The following ZDHHC20 variants were observed in gnomAD, a reference collection of about 807,000 sequenced individuals.
ZDHHC20 encodes the protein zDHHC palmitoyltransferase 20.
Under a neutral mutation model 57.8 loss-of-function variants are expected in ZDHHC20, and 43 were observed. The observed-to-expected ratio is 0.74, with a 90% CI of 0.58 to 0.96. ZDHHC20 has a LOEUF of 0.96. Ranked by LOEUF, ZDHHC20 falls within the 40% of genes least tolerant of loss-of-function variation. ZDHHC20 has a pLI of 0.00. For missense variants in ZDHHC20, 391 were observed against 441.1 expected, an observed-to-expected ratio of 0.89 and a Z score of 1.02; for synonymous variants, 157 against 153.0, an observed-to-expected ratio of 1.03 and a Z score of -0.19.
chr13:21,444,142 C>T (rs183516208), intron 1 of ZDHHC20, among the ~76,000 whole-genome samples: 61 of 152,224 alleles, frequency 4.0e-4, no homozygotes, highest in African/African-American at 1.3e-3. Flanking sequence ...GGCAACAGAG[C>T]GAGACTCTGT....
intron 1 of ZDHHC20, among the ~76,000 whole-genome samples, chr13:21,436,011 G>A (rs1882505431): frequency 6.6e-6 from 1 of 152,326 alleles, no homozygotes; most frequent in South Asian, 2.1e-4. Context: ...ATCTCACTCA[G>A]GCATTGTGTG....
chr13:21,444,666 C>T (rs891202705), intron 1 of ZDHHC20, among the ~76,000 whole-genome samples: 5 of 152,130 alleles, frequency 3.3e-5, no homozygotes, highest in African/African-American at 1.2e-4. Context: ...GCCTTCTCTA[C>T]GTGAAAGTTA....
intron 3 of ZDHHC20, among the ~76,000 whole-genome samples, chr13:21,417,425 AG>A (rs906984974): frequency 1.2e-4 from 19 of 152,150 alleles, no homozygotes; most frequent in African/African-American, 4.6e-4. Context: ...AAAGATTTAT[AG>A]TTTTTACTTT....
intron 2 of ZDHHC20, 138 bp from the exon 3 acceptor site, chr13:21,421,302 A>G (rs1368608447): frequency 1.5e-6 from 1 of 669,480 alleles, no homozygotes; most frequent in Non-Finnish European, 2.7e-6. Context: ...CATCAAATAT[A>G]TAAACTTTAC....
At chr13:21,383,843 G>A (rs764464421) in intron 9 of ZDHHC20, among the ~76,000 whole-genome samples, 6 of 151,896 alleles carry the variant, frequency 4.0e-5, no homozygotes, top group Non-Finnish European at 7.4e-5. Flanking sequence ...AGAAGCTTGC[G>A]GTCTAAAAAG....
In ZDHHC20 at chr13:21,391,795, T is replaced by C. The variant is rs926260361; in HGVS notation, c.654A>G (p.Ala218=). 1 of 1,613,506 alleles carries C rather than the reference T, an allele frequency of 6.2e-7. No homozygotes were observed. The highest frequency in any genetic ancestry group is 1.3e-5 in the African/African-American group (1 of 75,052). The change falls in exon 8 of 13, where the codon GCA becomes GCG. Residue 218 remains alanine, a synonymous_variant. Coordinates refer to ENST00000400590, the MANE Select transcript of ZDHHC20 (RefSeq NM_001330059.2). The part of the protein sequence containing the change: ...FHVLFLFFVS[A]MFFISVLSLF... ...GTGAGAGGACGCTGATGAAGAACAT[T>C]GCAGACACAAAGAAAAGAAAAAGTA... is the stretch of plus-strand genomic sequence containing the variant.
chr13:21,399,196 A>G (rs1025676898), intron 7 of ZDHHC20, among the ~76,000 whole-genome samples: 11 of 151,798 alleles, frequency 7.2e-5, no homozygotes, highest in Non-Finnish European at 1.5e-4. Context: ...TACAAAAATT[A>G]CCCAGGCATT....
rs1871746401 is a variant in ZDHHC20, at chr13:21,374,556, T to C, written c.*2140A>G. ...AGCAATAATTGGTATCTCTTAAATC[T>C]CATTCTAGTTTGCTAGAATCAAGAT... On this transcript the variant is annotated 3_prime_UTR_variant, in exon 13 of 13. Coordinates refer to ENST00000400590, the MANE Select transcript of ZDHHC20 (RefSeq NM_001330059.2). 1 of 332,364 alleles carries C rather than the reference T, an allele frequency of 3.0e-6. No individual in the cohort carries two copies. Among genetic ancestry groups the C allele is most frequent in the Non-Finnish European group, 6.2e-6 (1 of 160,200 alleles). 20.6% of individuals were successfully genotyped at this position (332,364 alleles called of 1,614,324 possible).
chr13:21,402,806 G>GTAA lies in ZDHHC20; in HGVS notation c.430_431insTTA (p.Ala144delinsValThr). ...TGTGAGTAACACTTACGAGTCACAG[G>GTAA]CTGAGCAGTGATGCGCCCGATCAGG... On this transcript the variant is annotated protein_altering_variant, in exon 5 of 13. Coordinates refer to ENST00000400590, the MANE Select transcript of ZDHHC20 (RefSeq NM_001330059.2). The GTAA allele has an allele frequency of 6.3e-7, 1 of 1,597,428 alleles. No individual in the cohort carries two copies. Among genetic ancestry groups the GTAA allele is most frequent in the South Asian group, 1.1e-5 (1 of 87,708 alleles).
chr13:21,400,935 T>G (rs531461366), intron 6 of ZDHHC20, among the ~76,000 whole-genome samples: 108 of 152,106 alleles, frequency 7.1e-4, no homozygotes, highest in African/African-American at 2.5e-3. Flanking sequence ...GGTCTTGAAC[T>G]CCTGACCTCT....
chr13:21,443,923 G>C (rs1203570941), intron 1 of ZDHHC20, among the ~76,000 whole-genome samples: 3 of 152,276 alleles, frequency 2.0e-5, no homozygotes, highest in South Asian at 2.1e-4. Context: ...TGCAGTTAGG[G>C]AGGCCAAGGC....
chr13:21,408,454 C>T (rs1458852865), intron 4 of ZDHHC20, among the ~76,000 whole-genome samples: 4 of 152,072 alleles, frequency 2.6e-5, no homozygotes, highest in Non-Finnish European at 5.9e-5. Flanking sequence ...GTGATTTTTG[C>T]GCATTGGTTT....
chr13:21,444,289 T>C (rs1883464706), intron 1 of ZDHHC20, among the ~76,000 whole-genome samples: 1 of 152,190 alleles, frequency 6.6e-6, no homozygotes, highest in South Asian at 2.1e-4. Flanking sequence ...GTTTATTATG[T>C]ACATCAACAT....
intron 8 of ZDHHC20, 55 bp downstream of exon 8, chr13:21,391,667 A>G (rs1875741202): frequency 1.3e-6 from 2 of 1,532,136 alleles, no homozygotes; most frequent in Non-Finnish European, 1.8e-6. Flanking sequence ...TCTAGATTTC[A>G]TATTTATTTA....
chr13:21,439,502 CAG>C (rs1331151081), intron 1 of ZDHHC20, among the ~76,000 whole-genome samples: 1 of 151,964 alleles, frequency 6.6e-6, no homozygotes, highest in African/African-American at 2.4e-5. Context: ...AGAGTGATGA[CAG>C]AGTGATACCC....
intron 3 of ZDHHC20, among the ~76,000 whole-genome samples, chr13:21,417,444 T>C (rs985741264): frequency 6.6e-6 from 1 of 152,098 alleles, no homozygotes; most frequent in Non-Finnish European, 1.5e-5. Context: ...TTTTTATTAT[T>C]ATTATTATTT....
At chr13:21,411,058 C>T (rs1214943208) in intron 4 of ZDHHC20, among the ~76,000 whole-genome samples, 7 of 152,164 alleles carry the variant, frequency 4.6e-5, no homozygotes, top group African/African-American at 7.2e-5. Flanking sequence ...GTGTCTGGGC[C>T]GAATAGCACT....
intron 1 of ZDHHC20, among the ~76,000 whole-genome samples, chr13:21,454,336 C>T (rs2138073223): frequency 6.6e-6 from 1 of 152,108 alleles, no homozygotes; most frequent in African/African-American, 2.4e-5. Context: ...AAAACAAAAA[C>T]AAAAACAAAA....
rs1349823016 is a variant in ZDHHC20 at position 21,387,361 on chromosome 13, G to T, written c.854+147C>A. ...AAAAATGAAAAATAAAATATTTTAT[G>T]TATAAAAAAAGATATTTTGAGTTTT... On this transcript the variant is annotated intron_variant, in intron 9 of 12. Transcript: ENST00000400590. 5 of 520,382 alleles carry T rather than the reference G, an allele frequency of 9.6e-6. No individual in the cohort carries two copies. The Admixed American group carries it at 1.9e-4, about 19-fold the overall frequency. 32.2% of individuals were successfully genotyped at this position (520,382 alleles called of 1,614,324 possible). A position where few individuals can be genotyped will look rare whatever the true frequency, so the allele number is the denominator to read the frequency against.
Sources: allele counts gnomAD v4.1 joint callset (sites outside exome capture counted in the v4.1 genomes callset), GRCh38; gene constraint gnomAD v4.1.1; transcripts MANE v1.5; gene names NCBI Gene and HGNC (gene_info 2026-07-23, HGNC 2026-07-21).